The following SMIM8 variants were observed in gnomAD, a reference collection of about 807,000 sequenced individuals.
SMIM8 encodes the protein UPF0708 protein C6orf162.
SMIM8 carries 8 observed loss-of-function variants against 8.1 expected under a neutral mutation model. The observed-to-expected ratio is 0.99, with a 90% CI of 0.58 to 1.78. The LOEUF is 1.78. SMIM8 is among the 40% of genes most tolerant of loss of function. The probability of loss-of-function intolerance (pLI) is 0.00; values close to 1 mark genes in which losing one functional copy is unlikely to be tolerated. For synonymous variants in SMIM8, 45 were observed against 39.7 expected, an observed-to-expected ratio of 1.13 and a Z score of -0.50; for missense variants, 126 against 119.8, an observed-to-expected ratio of 1.05 and a Z score of -0.24.
At chr6:87,329,981 A>G (rs1776954781) in intron 1 of SMIM8, among the ~76,000 whole-genome samples, 1 of 152,184 alleles carries the variant, frequency 6.6e-6, no homozygotes, top group African/African-American at 2.4e-5. Flanking sequence ...TCCTTTTATA[A>G]AGGTAGAAAC....
At chr6:87,329,680 T>C (rs1431190701) in intron 1 of SMIM8, among the ~76,000 whole-genome samples, 1 of 152,226 alleles carries the variant, frequency 6.6e-6, no homozygotes, top group Non-Finnish European at 1.5e-5. Flanking sequence ...TAATTTTTTT[T>C]CTTAAATATT....
At chr6:87,334,534 G>A (rs1582094884) in intron 2 of SMIM8, among the ~76,000 whole-genome samples, 1 of 152,236 alleles carries the variant, frequency 6.6e-6, no homozygotes, top group East Asian at 1.9e-4. Flanking sequence ...AGACTCCTGG[G>A]TTCAAGCAGT....
chr6:87,340,336 T>C lies in SMIM8; in HGVS notation c.*62T>C. 6.9e-7 allele frequency: 1 copy of C among 1,445,738 alleles called. No individual in the cohort carries two copies. The highest frequency in any genetic ancestry group is 9.1e-7 in the Non-Finnish European group (1 of 1,093,382). 89.6% of individuals were successfully genotyped at this position (1,445,738 alleles called of 1,614,324 possible). On this transcript the variant is annotated 3_prime_UTR_variant, in exon 4 of 4. Coordinates refer to ENST00000392863, the MANE Select transcript of SMIM8 (RefSeq NM_001042493.3). ...TTCTGAAATCTTCAAATGAAAGACC[T>C]TGTGAGTGTACAGTATCATGTTTCT...
chr6:87,335,645 A>G (rs1777097531), intron 2 of SMIM8, among the ~76,000 whole-genome samples: 1 of 152,094 alleles, frequency 6.6e-6, no homozygotes. Flanking sequence ...CTCCTTAACT[A>G]CGAAGTTGTG....
At chr6:87,325,065 T>C (rs1776783554) in intron 1 of SMIM8, among the ~76,000 whole-genome samples, 1 of 152,122 alleles carries the variant, frequency 6.6e-6, no homozygotes, top group Admixed American at 6.5e-5. Context: ...GATTTGGCTC[T>C]CTGTTTGTTG....
At chr6:87,323,205 C>A (rs1248708845) in intron 1 of SMIM8, among the ~76,000 whole-genome samples, 5 of 152,196 alleles carry the variant, frequency 3.3e-5, no homozygotes, top group Admixed American at 2.0e-4. Context: ...GCCAGCAAAG[C>A]CTTTCCCCTT....
rs1407297982 is a variant in SMIM8, at chr6:87,340,288, T to G, written c.*14T>G. On this transcript the variant is annotated 3_prime_UTR_variant, in exon 4 of 4. Transcript: ENST00000392863. ...AAATGGGATTAGTAGTGCTGGTTAG[T>G]GCAGATGGACCTTTATTAAAGGTTC... is the stretch of plus-strand genomic sequence containing the variant. The G allele has an allele frequency of 6.4e-7, 1 of 1,563,926 alleles. No homozygotes were observed. Among genetic ancestry groups the G allele is most frequent in the South Asian group, 1.2e-5 (1 of 81,886 alleles).
At chr6:87,330,469 T>C (rs1776967314) in intron 1 of SMIM8, among the ~76,000 whole-genome samples, 1 of 152,230 alleles carries the variant, frequency 6.6e-6, no homozygotes. Context: ...CTGGAATAAC[T>C]CCCTGAGCAA....
chr6:87,331,453 G>A (rs1776992925), intron 2 of SMIM8, among the ~76,000 whole-genome samples: 1 of 152,136 alleles, frequency 6.6e-6, no homozygotes, highest in East Asian at 1.9e-4. Flanking sequence ...ATTTATACAT[G>A]TGTGAAGAAA....
rs138902411 is a variant in SMIM8, at chr6:87,337,100, A to G, written c.69A>G (p.Pro23=). ...EPPKEKEFQS[P]GLRGVRTTTL... ...CCAAAGAGAAAGAGTTTCAAAGCCC[A>G]GGGCTCAGAGGGGTGCGCACAACAA... Residue 23 remains proline (P), a synonymous_variant, in exon 3 of 4, where the codon CCA becomes CCG. Transcript: ENST00000392863. 1.8e-3 allele frequency: 2,842 copies of G among 1,613,368 alleles called. 4 individuals are homozygous for G. The highest frequency in any genetic ancestry group is 2.2e-3 in the Non-Finnish European group (2,540 of 1,179,556).
At chr6:87,324,685 C>G (rs186278728) in intron 1 of SMIM8, among the ~76,000 whole-genome samples, 93,362 of 149,922 alleles carry the variant, frequency 0.62, 29,516 homozygotes, top group African/African-American at 0.7. Flanking sequence ...TTGTAGTATA[C>G]TTTGAAGTCA....
At chr6:87,339,436 T>TTGTGTGTG (rs150051963) in intron 3 of SMIM8, among the ~76,000 whole-genome samples, 4 of 113,184 alleles carry the variant, frequency 3.5e-5, no homozygotes, top group Non-Finnish European at 5.5e-5. Context: ...GTGTGTGTGT[T>TTGTGTGTG]TGTGTGTGTG....
At chr6:87,339,325 C>CGCGTGTGTGT (rs1227198338) in intron 3 of SMIM8, among the ~76,000 whole-genome samples, 4 of 124,086 alleles carry the variant, frequency 3.2e-5, no homozygotes, top group Non-Finnish European at 6.7e-5. Context: ...CAAAACACAG[C>CGCGTGTGTGT]GTGTGTGTGT....
chr6:87,333,200 G>GGT (rs1777029643), intron 2 of SMIM8, among the ~76,000 whole-genome samples: 2 of 152,092 alleles, frequency 1.3e-5, no homozygotes, highest in Non-Finnish European at 2.9e-5. Flanking sequence ...AGAGAGGGGA[G>GGT]GTGCTAGGCT....
Position 87,341,068 on chromosome 6 carries a change from T to C in SMIM8, c.*794T>C, listed in dbSNP as rs758429186. Reference sequence around the variant, plus strand: ...TTATGTTAATTTGTGTTAATTAATGTTACTGTAATGTTATAAACATAAGAC... The same window carrying C: ...TTATGTTAATTTGTGTTAATTAATGCTACTGTAATGTTATAAACATAAGAC... On this transcript the variant is annotated 3_prime_UTR_variant, in exon 4 of 4. Coordinates refer to ENST00000392863, the MANE Select transcript of SMIM8 (RefSeq NM_001042493.3). The C allele has an allele frequency of 6.7e-5, 26 of 385,712 alleles. No homozygotes were observed. The highest frequency in any genetic ancestry group is 1.1e-4 in the Non-Finnish European group (24 of 218,768). 23.9% of individuals were successfully genotyped at this position (385,712 alleles called of 1,614,324 possible).
intron 1 of SMIM8, among the ~76,000 whole-genome samples, chr6:87,323,915 C>T (rs189005523): frequency 1.6e-4 from 24 of 152,188 alleles, no homozygotes; most frequent in African/African-American, 5.8e-4. Context: ...TCCTGTTTCT[C>T]CACAGCCTCT....
rs776007667 is a variant in SMIM8, at chr6:87,341,480, G to T, written c.*1206G>T. 6.5e-4 allele frequency: 255 copies of T among 391,542 alleles called. No individual in the cohort carries two copies. The highest frequency in any genetic ancestry group is 1.0e-3 in the Non-Finnish European group (233 of 222,304). 24.3% of individuals were successfully genotyped at this position (391,542 alleles called of 1,614,324 possible). ...TCTTTCTTACAAGGGTTCTGGACCC[G>T]TTTCATTTCTAGATATATACCTAAT... On this transcript the variant is annotated 3_prime_UTR_variant, in exon 4 of 4. Coordinates refer to ENST00000392863, the MANE Select transcript of SMIM8 (RefSeq NM_001042493.3).
intron 3 of SMIM8, among the ~76,000 whole-genome samples, chr6:87,338,705 AGTAGTGGTACAGCAG>A (rs1290920697): frequency 1.3e-5 from 2 of 152,174 alleles, no homozygotes; most frequent in African/African-American, 4.8e-5. Flanking sequence ...TTTATTTCTC[AGTAGTGGTACAGCAG>A]GTATGGTGAC....
intron 1 of SMIM8, among the ~76,000 whole-genome samples, chr6:87,325,952 T>C (rs934601968): frequency 3.9e-5 from 6 of 152,348 alleles, no homozygotes; most frequent in African/African-American, 1.4e-4. Flanking sequence ...GCTCCTGTTA[T>C]TGGTCTATTA....
Sources: gnomAD v4.1 joint callset for allele counts (sites outside exome capture counted in the v4.1 genomes callset) on GRCh38, gnomAD v4.1.1 for gene constraint, MANE v1.5 for transcripts, NCBI Gene and HGNC (gene_info 2026-07-23, HGNC 2026-07-21) for gene names.